Variants in NXPH1 observed in about 807,000 individuals in gnomAD.
NXPH1 encodes the protein neurexophilin 1, also known as neurexophilin-1.
Under a neutral mutation model 23.7 loss-of-function variants are expected in NXPH1, and 5 were observed. The ratio of observed to expected loss-of-function variants is 0.21; its 90% confidence interval spans 0.11 to 0.44. NXPH1 has a LOEUF of 0.44. NXPH1 is among the 20% of genes least tolerant of loss of function. NXPH1 has a pLI of 0.99. For missense variants in NXPH1, 324 were observed against 321.6 expected (o/e 1.01, Z -0.06); for synonymous variants, 144 against 122.2 (o/e 1.18, Z -1.18).
intron 2 of NXPH1, among the ~76,000 whole-genome samples, chr7:8,577,179 C>T (rs1818771190): frequency 6.6e-6 from 1 of 152,008 alleles, no homozygotes; most frequent in South Asian, 2.1e-4. Context: ...TGTGAATTTC[C>T]ATTACAAGGA....
intron 2 of NXPH1, among the ~76,000 whole-genome samples, chr7:8,457,544 T>TG (rs1011799631): frequency 6.7e-6 from 1 of 150,198 alleles, no homozygotes; most frequent in African/African-American, 2.4e-5. Flanking sequence ...AATTCTTAGT[T>TG]TTTTTTTTTT....
rs74764002 is a variant in NXPH1 at position 8,607,886 on chromosome 7, T to G, written c.55-143122T>G. Among the ~76,000 whole-genome samples, 676 of 152,356 alleles carry G rather than the reference T, an allele frequency of 4.4e-3. 7 individuals are homozygous for G. The highest frequency in any genetic ancestry group is 0.015 in the African/African-American group (641 of 41,586). The stretch of plus-strand genomic sequence containing the variant: ...AGTAAGGTGGACTCTTAATCCAATA[T>G]GACTGGTGCCCTCGTGAGGTGAGAA... On this transcript the variant is annotated intron_variant, in intron 2 of 2. Coordinates refer to ENST00000405863, the MANE Select transcript of NXPH1 (RefSeq NM_152745.3).
At position 8,731,688 on chromosome 7, in the gene NXPH1, GTCTGCCCGT is replaced by G. The variant is rs1193836017; in HGVS notation, c.55-19316_55-19308del. 3.3e-5 allele frequency among the ~76,000 whole-genome samples: 5 copies of G among 152,316 alleles called. No individual in the cohort carries two copies. The South Asian group carries it at 1.0e-3, about 32-fold the overall frequency. ...GGTCAGGGAACCAGTTGAAGAGGAA[GTCTGCCCGT>G]TCTCAGATCTCCAGCTGCATGCTGG... On this transcript the variant is annotated intron_variant, in intron 2 of 2. Coordinates refer to ENST00000405863, the MANE Select transcript of NXPH1 (RefSeq NM_152745.3).
At chr7:8,729,343 G>A (rs1218900202) in intron 2 of NXPH1, among the ~76,000 whole-genome samples, 1 of 137,534 alleles carries the variant, frequency 7.3e-6, no homozygotes, top group African/African-American at 2.9e-5. Flanking sequence ...ATTTCCTTCA[G>A]TTCTGCTCTG....
chr7:8,656,409 C>T (rs1202979220), intron 2 of NXPH1, among the ~76,000 whole-genome samples: 1 of 151,780 alleles, frequency 6.6e-6, no homozygotes, highest in Non-Finnish European at 1.5e-5. Context: ...AGACTGGGAG[C>T]AAGGTGTTGT....
intron 2 of NXPH1, among the ~76,000 whole-genome samples, chr7:8,534,536 T>G (rs138742235): frequency 1.3e-5 from 2 of 152,228 alleles, no homozygotes; most frequent in African/African-American, 4.8e-5. Flanking sequence ...AATGAAGGTA[T>G]TTCATATCTC....
intron 2 of NXPH1, among the ~76,000 whole-genome samples, chr7:8,463,239 CCTT>C (rs1468992005): frequency 6.6e-6 from 1 of 151,908 alleles, no homozygotes; most frequent in Non-Finnish European, 1.5e-5. Flanking sequence ...ACTGACACTT[CCTT>C]CTTTTTCACT....
chr7:8,443,302 C>T (rs1181926305), intron 2 of NXPH1, among the ~76,000 whole-genome samples: 6 of 152,248 alleles, frequency 3.9e-5, no homozygotes, highest in Non-Finnish European at 5.9e-5. Context: ...CCCAACTTCT[C>T]CCCCTACCCA....
At chr7:8,732,050 A>G (rs1562468275) in intron 2 of NXPH1, among the ~76,000 whole-genome samples, 1 of 152,178 alleles carries the variant, frequency 6.6e-6, no homozygotes, top group African/African-American at 2.4e-5. Flanking sequence ...CTGGTGCGCC[A>G]TTTTTTAAGC....
At chr7:8,484,062 T>G (rs1817118948) in intron 2 of NXPH1, among the ~76,000 whole-genome samples, 1 of 151,454 alleles carries the variant, frequency 6.6e-6, no homozygotes, top group Admixed American at 6.6e-5. Flanking sequence ...AAGCCTTGAA[T>G]CTTCATATGC....
At chr7:8,603,121 T>C (rs114448925) in intron 2 of NXPH1, among the ~76,000 whole-genome samples, 194 of 152,278 alleles carry the variant, frequency 1.3e-3, no homozygotes, top group African/African-American at 4.5e-3. Context: ...TACCCTTGTG[T>C]CTTTTGCAGC....
intron 2 of NXPH1, among the ~76,000 whole-genome samples, chr7:8,735,756 C>T (rs920022518): frequency 4.6e-5 from 7 of 152,162 alleles, no homozygotes; most frequent in African/African-American, 1.7e-4. Context: ...ACTGTGAATT[C>T]ATCTGGTTCT....
intron 2 of NXPH1, among the ~76,000 whole-genome samples, chr7:8,568,667 C>A (rs1031645901): frequency 2.7e-5 from 4 of 149,914 alleles, no homozygotes; most frequent in Admixed American, 6.7e-5. Flanking sequence ...AAAAAAAATT[C>A]TCATTTCAAC....
chr7:8,691,977 C>T (rs1277896513), intron 2 of NXPH1, among the ~76,000 whole-genome samples: 2 of 151,972 alleles, frequency 1.3e-5, no homozygotes, highest in African/African-American at 2.4e-5. Flanking sequence ...GGGCACTAGT[C>T]AAGCAATGAT....
At chr7:8,731,341 C>G (rs761496702) in intron 2 of NXPH1, among the ~76,000 whole-genome samples, 1 of 152,222 alleles carries the variant, frequency 6.6e-6, no homozygotes, top group East Asian at 1.9e-4. Context: ...TCTCTCAGCT[C>G]ATCAAAGTCA....
chr7:8,595,012 C>CA (rs1337882290), intron 2 of NXPH1, among the ~76,000 whole-genome samples: 5 of 151,928 alleles, frequency 3.3e-5, no homozygotes, highest in African/African-American at 1.2e-4. Context: ...CCGAGGTTCA[C>CA]AAAAGTGAAG....
At chr7:8,734,389 A>C (rs866059323) in intron 2 of NXPH1, among the ~76,000 whole-genome samples, 2 of 152,086 alleles carry the variant, frequency 1.3e-5, no homozygotes, top group African/African-American at 4.8e-5. Context: ...AATTTAATGT[A>C]GTTTTTTCTA....
At chr7:8,615,693 C>A (rs1324452333) in intron 2 of NXPH1, among the ~76,000 whole-genome samples, 2 of 151,916 alleles carry the variant, frequency 1.3e-5, no homozygotes, top group African/African-American at 4.8e-5. Context: ...CAAAGGTATT[C>A]TATGCTTTGC....
intron 2 of NXPH1, among the ~76,000 whole-genome samples, chr7:8,585,252 T>C (rs1429923189): frequency 6.6e-6 from 1 of 152,202 alleles, no homozygotes; most frequent in African/African-American, 2.4e-5. Context: ...ATTTGTGCCC[T>C]TGTAAAAAGG....
Sources: allele counts gnomAD v4.1 joint callset (sites outside exome capture counted in the v4.1 genomes callset), GRCh38; gene constraint gnomAD v4.1.1; transcripts MANE v1.5; gene names NCBI Gene and HGNC (gene_info 2026-07-23, HGNC 2026-07-21).